The following PRNP variants were observed in gnomAD, a reference collection of about 807,000 sequenced individuals.
The protein encoded by PRNP is major prion protein.
Under a neutral mutation model 21.3 loss-of-function variants are expected in PRNP, and 15 were observed. That is an observed-to-expected ratio of 0.71 (90% CI 0.47 to 1.09). The LOEUF is 1.09. PRNP is among the 50% of genes least tolerant of loss of function. PRNP has a pLI of 0.00. For synonymous variants in PRNP, 121 were observed against 123.1 expected (o/e 0.98, Z 0.11); for missense variants, 285 against 340.9 (o/e 0.84, Z 1.29).
At chr20:4,689,355 G>A (rs1166085935) in intron 1 of PRNP, among the ~76,000 whole-genome samples, 2 of 152,228 alleles carry the variant, frequency 1.3e-5, no homozygotes, top group Non-Finnish European at 2.9e-5. Flanking sequence ...CCACTCGGGT[G>A]CATCTGTGTG....
At chr20:4,693,966 G>T (rs1254241973) in intron 1 of PRNP, among the ~76,000 whole-genome samples, 1 of 149,844 alleles carries the variant, frequency 6.7e-6, no homozygotes, top group African/African-American at 2.5e-5. Flanking sequence ...ACCAGGCGTG[G>T]TGTTGCATAC....
Position 4,700,818 on chromosome 20 carries a change from A to C in PRNP, c.*836A>C, listed in dbSNP as rs767355848. ...AGGTAATTAAGGCAGCTGAAAAGTA[A>C]ATTGCCTTCTAGACACTGAAGGCAA... is the stretch of plus-strand genomic sequence containing the variant. On this transcript the variant is annotated 3_prime_UTR_variant, in exon 2 of 2. Coordinates refer to ENST00000379440, the MANE Select transcript of PRNP (RefSeq NM_000311.5). The surrounding 1 kb of genome is among the most constrained non-coding windows in gnomAD (Gnocchi z 4.1). The C allele has an allele frequency of 6.0e-6, 1 of 167,390 alleles. No homozygotes were observed. The highest frequency in any genetic ancestry group is 1.5e-5 in the Non-Finnish European group (1 of 68,410). The allele number at this position is 167,390 out of a possible 1,614,324, so 10.4% of individuals were successfully genotyped here.
chr20:4,699,630 C>T lies in PRNP; in HGVS notation c.410C>T (p.Pro137Leu). The T allele has an allele frequency of 1.9e-6, 3 of 1,614,000 alleles. No homozygotes were observed. The highest frequency in any genetic ancestry group is 2.5e-6 in the Non-Finnish European group (3 of 1,179,992). ...ATGCTGGGAAGTGCCATGAGCAGGCCCATCATACATTTCGGCAGTGACTAT... is the reference window on the plus strand; with the variant it reads ...ATGCTGGGAAGTGCCATGAGCAGGCTCATCATACATTTCGGCAGTGACTAT... ...GYMLGSAMSR[P>L]IIHFGSDYED... Residue 137 changes from proline (P) to leucine (L), a missense_variant, in exon 2 of 2, where the codon CCC becomes CTC. Coordinates refer to ENST00000379440, the MANE Select transcript of PRNP (RefSeq NM_000311.5). This position sits in a 1 kb window ranked among gnomAD's most constrained non-coding sequence, Gnocchi z 5.8.
At position 4,699,229 on chromosome 20, in the gene PRNP, C is replaced by A. The variant is rs1922369989; in HGVS notation, c.9C>A (p.Asn3Lys). The A allele has an allele frequency of 6.2e-7, 1 of 1,614,090 alleles. No individual in the cohort carries two copies. The highest frequency in any genetic ancestry group is 8.5e-7 in the Non-Finnish European group (1 of 1,180,046). The change falls in exon 2 of 2, where the codon AAC becomes AAA. Residue 3 changes from asparagine to lysine, a missense_variant. Coordinates refer to ENST00000379440, the MANE Select transcript of PRNP (RefSeq NM_000311.5). This position sits in a 1 kb window ranked among gnomAD's most constrained non-coding sequence, Gnocchi z 5.8. ...TTTGCAGAGCAGTCATTATGGCGAACCTTGGCTGCTGGATGCTGGTTCTCT... is the reference window on the plus strand; with the variant it reads ...TTTGCAGAGCAGTCATTATGGCGAAACTTGGCTGCTGGATGCTGGTTCTCT... Reference protein sequence around the residue: MANLGCWMLVLFV... With the variant: MAKLGCWMLVLFV...
intron 1 of PRNP, among the ~76,000 whole-genome samples, chr20:4,693,942 CA>C (rs34756298): frequency 9.7e-4 from 120 of 124,306 alleles, no homozygotes; most frequent in South Asian, 1.4e-3. Flanking sequence ...ATTAAAAATA[CA>C]AAAAAAAAAA....
intron 1 of PRNP, among the ~76,000 whole-genome samples, chr20:4,688,496 G>A (rs75331662): frequency 6.6e-6 from 1 of 152,188 alleles, no homozygotes; most frequent in Non-Finnish European, 1.5e-5. Context: ...TAAGAAGCTG[G>A]AAGCTGTGAC....
At chr20:4,696,627 C>T (rs1298136235) in intron 1 of PRNP, among the ~76,000 whole-genome samples, 1 of 152,236 alleles carries the variant, frequency 6.6e-6, no homozygotes, top group Non-Finnish European at 1.5e-5. Flanking sequence ...TGGCCTTGGA[C>T]AGCACCTTGA....
rs1922510931 is a variant in PRNP, at chr20:4,700,126, A to G, written c.*144A>G. 1 of 1,549,056 alleles carries G rather than the reference A, an allele frequency of 6.5e-7. No individual in the cohort carries two copies. The highest frequency in any genetic ancestry group is 1.2e-5 in the South Asian group (1 of 83,188). ...AGGCTAATCAATACCCTTGGCACTG[A>G]TGGGCACTGGAAAACATAGAGTAGA... On this transcript the variant is annotated 3_prime_UTR_variant, in exon 2 of 2. Coordinates refer to ENST00000379440, the MANE Select transcript of PRNP (RefSeq NM_000311.5). The surrounding 1 kb of genome is among the most constrained non-coding windows in gnomAD (Gnocchi z 4.1).
Position 4,700,083 on chromosome 20 carries a change from TCTCTCTTTGTC to T in PRNP, c.*103_*113del. ...TTAGTGGTGGTGTCTCACTCTTTCT[TCTCTCTTTGTC>T]CCGGATAGGCTAATCAATACCCTTG... On this transcript the variant is annotated 3_prime_UTR_variant, in exon 2 of 2. Transcript: ENST00000379440. This position sits in a 1 kb window ranked among gnomAD's most constrained non-coding sequence, Gnocchi z 4.1. The T allele has an allele frequency of 6.4e-7, 1 of 1,550,730 alleles. No homozygotes were observed. Among genetic ancestry groups the T allele is most frequent in the Non-Finnish European group, 8.7e-7 (1 of 1,146,972 alleles).
At chr20:4,695,677 G>A (rs562760472) in intron 1 of PRNP, among the ~76,000 whole-genome samples, 1 of 152,292 alleles carries the variant, frequency 6.6e-6, no homozygotes, top group South Asian at 2.1e-4. Context: ...TTTTGAGGAT[G>A]TAATCAAATT....
At chr20:4,694,495 A>C (rs935454207) in intron 1 of PRNP, among the ~76,000 whole-genome samples, 9 of 152,268 alleles carry the variant, frequency 5.9e-5, no homozygotes, top group African/African-American at 1.7e-4. Context: ...AAAGTTGCAT[A>C]AAGTAATTTA....
chr20:4,695,889 G>A (rs1400638112), intron 1 of PRNP, among the ~76,000 whole-genome samples: 1 of 152,136 alleles, frequency 6.6e-6, no homozygotes, highest in Admixed American at 6.5e-5. Context: ...TTTCCCAGAA[G>A]CATGAAACCT....
At chr20:4,694,151 T>C (rs1922014796) in intron 1 of PRNP, among the ~76,000 whole-genome samples, 1 of 152,066 alleles carries the variant, frequency 6.6e-6, no homozygotes, top group East Asian at 1.9e-4. Flanking sequence ...CAGCTTTTTT[T>C]CTCCATTTCT....
At chr20:4,695,286 T>C (rs753273925) in intron 1 of PRNP, among the ~76,000 whole-genome samples, 36 of 152,140 alleles carry the variant, frequency 2.4e-4, no homozygotes, top group East Asian at 1.9e-4. Flanking sequence ...ATCCTCTCCC[T>C]CCCTTAGCCC....
chr20:4,686,535 A>C lies in PRNP; in HGVS notation c.-11+23A>C. The C allele has an allele frequency of 1.3e-5, 2 of 151,424 alleles. No homozygotes were observed. Among genetic ancestry groups the C allele is most frequent in the Non-Finnish European group, 3.0e-5 (2 of 67,766 alleles). 9.4% of individuals were successfully genotyped at this position (151,424 alleles called of 1,614,324 possible). On this transcript the variant is annotated intron_variant, in intron 1 of 1. Coordinates refer to ENST00000379440, the MANE Select transcript of PRNP (RefSeq NM_000311.5). This position sits in a 1 kb window ranked among gnomAD's most constrained non-coding sequence, Gnocchi z 6.7. The stretch of plus-strand genomic sequence containing the variant: ...CAGGTAAACGCCCGGGGTGGGAGGA[A>C]CGCGGGCGGGGGCAGGGGAGCCGCG...
At position 4,699,161 on chromosome 20, in the gene PRNP, T is replaced by C. The variant is rs547481396; in HGVS notation, c.-10-50T>C. On this transcript the variant is annotated intron_variant, in intron 1 of 1. Transcript: ENST00000379440. The surrounding 1 kb of genome is among the most constrained non-coding windows in gnomAD (Gnocchi z 5.8). ...CATTCATTATGCAGGAAACATTTAG[T>C]AATTTCAACATAAATATGGGACTCT... 4 of 1,601,164 alleles carry C rather than the reference T, an allele frequency of 2.5e-6. 1 individual carries two copies. The highest frequency in any genetic ancestry group is 3.4e-6 in the Non-Finnish European group (4 of 1,169,056).
Position 4,700,414 on chromosome 20 carries a change from C to T in PRNP, c.*432C>T, listed in dbSNP as rs1022828558. 1 of 323,680 alleles carries T rather than the reference C, an allele frequency of 3.1e-6. No homozygotes were observed. The highest frequency in any genetic ancestry group is 2.2e-5 in the African/African-American group (1 of 45,890). 20.1% of individuals were successfully genotyped at this position (323,680 alleles called of 1,614,324 possible). ...TTCATAGCTATTTAGAGATATTTTC[C>T]ATTTTAAGAAAACCCGACAACATTT... On this transcript the variant is annotated 3_prime_UTR_variant, in exon 2 of 2. Coordinates refer to ENST00000379440, the MANE Select transcript of PRNP (RefSeq NM_000311.5). This position sits in a 1 kb window ranked among gnomAD's most constrained non-coding sequence, Gnocchi z 4.1.
Position 4,699,995 on chromosome 20 carries a change from T to G in PRNP, c.*13T>G, listed in dbSNP as rs1485319539. 1.9e-6 allele frequency: 3 copies of G among 1,595,928 alleles called. No homozygotes were observed. The African/African-American group carries it at 4.0e-5, about 21-fold the overall frequency. ...GATAGTGGGATGAGGAAGGTCTTCCTGTTTTCACCATCTTTCTAATCTTTT... is the reference window on the plus strand; with the variant it reads ...GATAGTGGGATGAGGAAGGTCTTCCGGTTTTCACCATCTTTCTAATCTTTT... On this transcript the variant is annotated 3_prime_UTR_variant, in exon 2 of 2. Coordinates refer to ENST00000379440, the MANE Select transcript of PRNP (RefSeq NM_000311.5). This position sits in a 1 kb window ranked among gnomAD's most constrained non-coding sequence, Gnocchi z 5.8.
Position 4,699,190 on chromosome 20 carries a change from G to T in PRNP, c.-10-21G>T, listed in dbSNP as rs78236631. The T allele has an allele frequency of 1.2e-6, 2 of 1,612,930 alleles. No homozygotes were observed. The highest frequency in any genetic ancestry group is 1.7e-6 in the Non-Finnish European group (2 of 1,179,412). On this transcript the variant is annotated intron_variant, in intron 1 of 1. Transcript: ENST00000379440. This position sits in a 1 kb window ranked among gnomAD's most constrained non-coding sequence, Gnocchi z 5.8. ...TTCAACATAAATATGGGACTCTGAC[G>T]TTCTCCTCTTCATTTTGCAGAGCAG...
Sources: gnomAD v4.1 joint callset for allele counts (sites outside exome capture counted in the v4.1 genomes callset) on GRCh38, gnomAD v4.1.1 for gene constraint, Gnocchi (gnomAD v3.1) non-coding constraint, MANE v1.5 for transcripts, NCBI Gene and HGNC (gene_info 2026-07-23, HGNC 2026-07-21) for gene names.